Variants in TADA2A observed in about 807,000 individuals in gnomAD.
TADA2A encodes the protein transcriptional adaptor 2A.
A neutral mutation model predicts 67.4 loss-of-function variants in TADA2A; 38 were observed. The ratio of observed to expected loss-of-function variants is 0.56; its 90% CI spans 0.44 to 0.74. The LOEUF (loss-of-function observed/expected upper bound fraction) is 0.74, where lower values mean the gene tolerates loss of function less well. Ranked by LOEUF, TADA2A falls within the 30% of genes least tolerant of loss-of-function variation. TADA2A has a pLI of 0.00. For missense variants in TADA2A, 454 were observed against 547.0 expected, an observed-to-expected ratio of 0.83 and a Z score of 1.70; for synonymous variants, 192 against 181.6, an observed-to-expected ratio of 1.06 and a Z score of -0.46.
At chr17:37,457,491 C>CTTTT (rs71135729) in intron 8 of TADA2A, among the ~76,000 whole-genome samples, 13 of 72,398 alleles carry the variant, frequency 1.8e-4, no homozygotes, top group Admixed American at 4.0e-4. Context: ...AACATTAATT[C>CTTTT]TTTTTTTTTT....
chr17:37,470,353 G>A, intron 12 of TADA2A, 47 bp from the exon 13 acceptor site: 1 of 1,611,380 alleles, frequency 6.2e-7, no homozygotes, highest in Non-Finnish European at 8.5e-7. Flanking sequence ...AAGCCCTTCA[G>A]TTCTGCTGCA....
At chr17:37,423,683 G>T in intron 3 of TADA2A, 68 bp downstream of exon 3, 1 of 1,184,090 alleles carries the variant, frequency 8.4e-7, no homozygotes, top group South Asian at 1.4e-5. Flanking sequence ...ATATTTCGGA[G>T]ATTACTGTCA....
chr17:37,424,102 A>C (rs1260450947), intron 3 of TADA2A, among the ~76,000 whole-genome samples: 4 of 152,098 alleles, frequency 2.6e-5, no homozygotes, highest in Admixed American at 6.6e-5. Flanking sequence ...GAGCAGTTAG[A>C]TGAGACAGAC....
chr17:37,444,754 C>G lies in TADA2A; in HGVS notation c.590C>G (p.Ser197Trp). ...LRDIDFVEDD[S>W]DILHALKMAV... is the part of the protein sequence containing the mutation. ...GACATTGATTTTGTTGAAGATGACT[C>G]GGACATTTTACATGGTAACAGTTTA... The change falls in exon 8 of 16, where the codon TCG becomes TGG. Residue 197 changes from serine (S) to tryptophan (W), a missense_variant. Ser to Trp is a radical substitution (Grantham distance 177). Transcript: ENST00000615182. The G allele has an allele frequency of 6.2e-7, 1 of 1,614,012 alleles. No homozygotes were observed. Among genetic ancestry groups the G allele is most frequent in the Non-Finnish European group, 8.5e-7 (1 of 1,179,924 alleles).
chr17:37,458,242 G>A (rs2053448867), intron 8 of TADA2A, among the ~76,000 whole-genome samples: 1 of 152,192 alleles, frequency 6.6e-6, no homozygotes, highest in Admixed American at 6.5e-5. Context: ...TCATGTCCTG[G>A]CAAAGGACAT....
rs773321111 is a variant in TADA2A at position 37,462,125 on chromosome 17, A to C, written c.712+4A>C. On this transcript the variant is annotated splice_donor_region_variant and intron_variant, in intron 10 of 15. Transcript: ENST00000615182. ...ATCAACCTTAGAAAGTTTCAATGTA[A>C]GTATTAGCAGTTTTCTTTATTTTAC... is the stretch of plus-strand genomic sequence containing the variant. 6.5e-7 allele frequency: 1 copy of C among 1,528,748 alleles called. No individual in the cohort carries two copies. The highest frequency in any genetic ancestry group is 8.9e-7 in the Non-Finnish European group (1 of 1,118,072). The allele number at this position is 1,528,748 out of a possible 1,614,324, so 94.7% of individuals were successfully genotyped here.
At chr17:37,458,612 C>T (rs575930611) in intron 9 of TADA2A, 25 bp downstream of exon 9, 2 of 1,593,378 alleles carry the variant, frequency 1.3e-6, no homozygotes, top group Admixed American at 3.4e-5. Flanking sequence ...CCATCCTGGC[C>T]TCCTTTCAGC....
At chr17:37,423,430 T>G in intron 2 of TADA2A, 79 bp from the exon 3 acceptor site, 4 of 1,088,800 alleles carry the variant, frequency 3.7e-6, no homozygotes, top group Non-Finnish European at 5.4e-6. Flanking sequence ...TGTGTGGTCA[T>G]TTGGGGATTT....
At chr17:37,464,384 A>C (rs1002587170) in intron 10 of TADA2A, among the ~76,000 whole-genome samples, 1 of 152,214 alleles carries the variant, frequency 6.6e-6, no homozygotes, top group Non-Finnish European at 1.5e-5. Flanking sequence ...TTCTCAGCTA[A>C]TGGGAAATCT....
chr17:37,475,502 T>G (rs2053874897), intron 15 of TADA2A, among the ~76,000 whole-genome samples: 1 of 152,072 alleles, frequency 6.6e-6, no homozygotes, highest in South Asian at 2.1e-4. Flanking sequence ...TTTGAAAGTC[T>G]CGCTCTGTTA....
chr17:37,423,649 T>A (rs745557901), intron 3 of TADA2A, 34 bp downstream of exon 3: 2 of 1,464,174 alleles, frequency 1.4e-6, no homozygotes, highest in South Asian at 2.4e-5. Context: ...CCTAGCCTAG[T>A]TTTATGCTAT....
intron 2 of TADA2A, among the ~76,000 whole-genome samples, chr17:37,414,233 C>G (rs1026802284): frequency 1.3e-5 from 2 of 152,004 alleles, no homozygotes; most frequent in African/African-American, 4.8e-5. Context: ...ACAGGAATTC[C>G]TATTTTTTCA....
At chr17:37,414,914 C>T (rs80353573) in intron 2 of TADA2A, among the ~76,000 whole-genome samples, 7,711 of 146,416 alleles carry the variant, frequency 0.053, 258 homozygotes, top group Middle Eastern at 0.086. Context: ...TTTTTTGAGA[C>T]AGAGCTTCGC....
At position 37,440,647 on chromosome 17, in the gene TADA2A, G is replaced by A. The variant is rs776558332; in HGVS notation, c.427G>A (p.Ala143Thr). The A allele has an allele frequency of 5.6e-6, 9 of 1,614,138 alleles. No individual in the cohort carries two copies. Among genetic ancestry groups the A allele is most frequent in the Non-Finnish European group, 7.6e-6 (9 of 1,180,024 alleles). The change falls in exon 6 of 16, where the codon GCC becomes ACC. Residue 143 changes from alanine to threonine, a missense_variant. By Grantham distance (58) the Ala-to-Thr change is moderately conservative. Coordinates refer to ENST00000615182, the MANE Select transcript of TADA2A (RefSeq NM_001166105.3). The part of the protein sequence containing the change: ...QAEEAKTADT[A>T]IPFHSTDDPP... ...AGAGGAAGCAAAAACTGCTGACACA[G>A]CCATTCCATTTCACTGTAAGTGCCT... is the stretch of plus-strand genomic sequence containing the variant.
At chr17:37,426,722 G>T in intron 3 of TADA2A, 2 of 346,766 alleles carry the variant, frequency 5.8e-6, no homozygotes, top group Non-Finnish European at 5.2e-6. Context: ...GCCCACACCT[G>T]TAATCTTAGC....
intron 3 of TADA2A, among the ~76,000 whole-genome samples, chr17:37,424,660 G>A (rs567709108): frequency 1.3e-5 from 2 of 152,148 alleles, no homozygotes; most frequent in South Asian, 2.1e-4. Context: ...GGGTTCAAGC[G>A]ATTCTCCTGC....
Position 37,440,628 on chromosome 17 carries a change from A to G in TADA2A, c.408A>G (p.Glu136=), listed in dbSNP as rs542183987. 2 of 1,614,200 alleles carry G rather than the reference A, an allele frequency of 1.2e-6. No homozygotes were observed. Among genetic ancestry groups the G allele is most frequent in the South Asian group, 2.2e-5 (2 of 91,086 alleles). Residue 136 remains glutamate, a synonymous_variant, in exon 6 of 16, where the codon GAA becomes GAG. Coordinates refer to ENST00000615182, the MANE Select transcript of TADA2A (RefSeq NM_001166105.3). ...STLLNLKQAE[E]AKTADTAIPF... is the part of the protein sequence containing the mutation. ...TGCTGAACCTGAAACAAGCAGAGGA[A>G]GCAAAAACTGCTGACACAGCCATTC...
chr17:37,433,296 C>T (rs552535436), intron 4 of TADA2A, among the ~76,000 whole-genome samples: 1 of 151,926 alleles, frequency 6.6e-6, no homozygotes, highest in Non-Finnish European at 1.5e-5. Context: ...TAGAGAGTTC[C>T]CATCTATCCT....
At chr17:37,416,300 G>T (rs1256443691) in intron 2 of TADA2A, among the ~76,000 whole-genome samples, 1 of 151,702 alleles carries the variant, frequency 6.6e-6, no homozygotes, top group Non-Finnish European at 1.5e-5. Context: ...TGTATTTTTA[G>T]TAGAGATGGG....
Sources: gnomAD v4.1 joint callset for allele counts (sites outside exome capture counted in the v4.1 genomes callset) on GRCh38, gnomAD v4.1.1 for gene constraint, MANE v1.5 for transcripts, NCBI Gene and HGNC (gene_info 2026-07-23, HGNC 2026-07-21) for gene names.